The following ASTN2 variants were observed in gnomAD, a reference collection of about 807,000 sequenced individuals.
The protein encoded by ASTN2 is astrotactin 2, also known as astrotactin-2.
Under a neutral mutation model 139.8 loss-of-function variants are expected in ASTN2, and 54 were observed. The observed-to-expected ratio is 0.39, with a 90% confidence interval of 0.31 to 0.48. The LOEUF is 0.48. Ranked by LOEUF, ASTN2 falls within the 20% of genes least tolerant of loss-of-function variation. ASTN2 has a pLI of 0.95. For missense variants in ASTN2, 1,565 were observed against 1,725.1 expected, an observed-to-expected ratio of 0.91 and a Z score of 1.64; for synonymous variants, 756 against 719.5, an observed-to-expected ratio of 1.05 and a Z score of -0.81.
At chr9:117,154,804 C>T (rs1390804804) in intron 3 of ASTN2, among the ~76,000 whole-genome samples, 2 of 152,038 alleles carry the variant, frequency 1.3e-5, no homozygotes, top group East Asian at 3.9e-4. Flanking sequence ...CTGAGCCTCT[C>T]AGTTGTCCTT....
At chr9:117,361,783 A>G (rs79158816) in intron 1 of ASTN2, among the ~76,000 whole-genome samples, 1,690 of 152,184 alleles carry the variant, frequency 0.011, 34 homozygotes, top group African/African-American at 0.039. Context: ...TCACTCCTCT[A>G]AACCTCAGCT....
intron 16 of ASTN2, among the ~76,000 whole-genome samples, chr9:116,660,027 C>A (rs73530821): frequency 0.041 from 6,227 of 152,194 alleles, 417 homozygotes; most frequent in African/African-American, 0.14. Context: ...TGGGGTCATA[C>A]TACAATTAAA....
Position 116,440,666 on chromosome 9 carries a change from G to C in ASTN2, c.3725C>G (p.Ser1242Cys), listed in dbSNP as rs778867607. Reference sequence around the variant, plus strand: ...GAAGTCGCCAAACTTTTCATAGTGAGAGTTGTAGTGGTGCTGGACTCGGAA... The same window carrying C: ...GAAGTCGCCAAACTTTTCATAGTGACAGTTGTAGTGGTGCTGGACTCGGAA... ...MLFRVQHHYN[S>C]HYEKFGDFVW... Residue 1242 changes from serine (S) to cysteine (C), a missense_variant, in exon 22 of 23, where the codon TCT becomes TGT. By Grantham distance (112) the Ser-to-Cys change is moderately radical. Transcript: ENST00000313400. The C allele has an allele frequency of 3.7e-6, 6 of 1,614,044 alleles. No individual in the cohort carries two copies. The highest frequency in any genetic ancestry group is 4.2e-6 in the Non-Finnish European group (5 of 1,180,052).
chr9:116,951,382 G>T (rs1835558123), intron 10 of ASTN2, among the ~76,000 whole-genome samples: 1 of 133,392 alleles, frequency 7.5e-6, no homozygotes, highest in African/African-American at 2.8e-5. Context: ...TGTGGTTGTA[G>T]ATACTGCCAT....
At chr9:116,652,041 G>GT (rs1283490552) in intron 16 of ASTN2, among the ~76,000 whole-genome samples, 6 of 151,976 alleles carry the variant, frequency 3.9e-5, no homozygotes, top group Non-Finnish European at 7.4e-5. Context: ...CATTTTTCCC[G>GT]TATGTAAAGT....
At chr9:117,302,196 C>T (rs920764897) in intron 1 of ASTN2, among the ~76,000 whole-genome samples, 1 of 152,082 alleles carries the variant, frequency 6.6e-6, no homozygotes, top group African/African-American at 2.4e-5. Context: ...GACCCTTCCA[C>T]CTTGTCCCCA....
intron 13 of ASTN2, among the ~76,000 whole-genome samples, chr9:116,803,522 A>ATATATATATAT (rs1554748694): frequency 3.8e-4 from 8 of 21,136 alleles, no homozygotes; most frequent in African/African-American, 1.1e-3. Flanking sequence ...ATATATATAT[A>ATATATATATAT]TTTTTTTTTT....
At chr9:117,193,416 G>A in intron 3 of ASTN2, among the ~76,000 whole-genome samples, 1 of 151,914 alleles carries the variant, frequency 6.6e-6, no homozygotes, top group East Asian at 1.9e-4. Context: ...GAGGTGGTTG[G>A]ATCATGAGGT....
intron 19 of ASTN2, among the ~76,000 whole-genome samples, chr9:116,542,849 G>A (rs1176847687): frequency 6.6e-6 from 1 of 152,046 alleles, no homozygotes; most frequent in Non-Finnish European, 1.5e-5. Flanking sequence ...CAGCCTGGGA[G>A]GCAGAGATTG....
intron 10 of ASTN2, among the ~76,000 whole-genome samples, chr9:116,918,457 T>C (rs1472448955): frequency 6.6e-6 from 1 of 152,192 alleles, no homozygotes; most frequent in African/African-American, 2.4e-5. Context: ...CACCATTCTT[T>C]CTCTCCCAGC....
At chr9:117,034,450 C>G (rs944696991) in intron 6 of ASTN2, among the ~76,000 whole-genome samples, 3 of 152,112 alleles carry the variant, frequency 2.0e-5, no homozygotes, top group African/African-American at 7.2e-5. Context: ...GAGGCAGCTC[C>G]ATTAGTAGGG....
At chr9:116,581,271 C>G (rs927850092) in intron 19 of ASTN2, among the ~76,000 whole-genome samples, 4 of 152,084 alleles carry the variant, frequency 2.6e-5, no homozygotes, top group Non-Finnish European at 5.9e-5. Context: ...GGGGAGTGGC[C>G]TCTGGAATCA....
chr9:116,974,416 T>A (rs914509456), intron 10 of ASTN2, among the ~76,000 whole-genome samples: 1 of 151,906 alleles, frequency 6.6e-6, no homozygotes, highest in Non-Finnish European at 1.5e-5. Flanking sequence ...AGTAAGTCTA[T>A]AATGAAGTTA....
intron 11 of ASTN2, among the ~76,000 whole-genome samples, chr9:116,839,653 A>G: frequency 6.6e-6 from 1 of 151,526 alleles, no homozygotes; most frequent in East Asian, 2.0e-4. Context: ...TGTGTGCCAC[A>G]CCGGTCTAAT....
At chr9:117,351,848 A>G (rs368065425) in intron 1 of ASTN2, among the ~76,000 whole-genome samples, 6 of 152,150 alleles carry the variant, frequency 3.9e-5, no homozygotes, top group African/African-American at 1.4e-4. Flanking sequence ...GAGAAGGCCA[A>G]GACAACCAGA....
rs954873004 is a variant in ASTN2, at chr9:117,272,300, C to A, written c.630+19026G>T. 2.6e-5 allele frequency among the ~76,000 whole-genome samples: 4 copies of A among 152,196 alleles called. No individual in the cohort carries two copies. In the East Asian group the frequency reaches 7.7e-4, roughly 29 times the overall value. ...CGCTGGAGAGGCTGGGACACAGGCA[C>A]CAAGTCCCTAGGCTGCACACAGCAC... On this transcript the variant is annotated intron_variant, in intron 2 of 22. Coordinates refer to ENST00000313400, the MANE Select transcript of ASTN2 (RefSeq NM_001365068.1).
rs72750092 is a variant in ASTN2, at chr9:116,813,626, G to A, written c.2207+6991C>T. The stretch of plus-strand genomic sequence containing the variant: ...AAAGCAAAGTATTTCTTTTTCTCAT[G>A]TATTTTTTCCTTATTTATTAATTTA... On this transcript the variant is annotated intron_variant, in intron 12 of 22. Transcript: ENST00000313400. Among the ~76,000 whole-genome samples the A allele has an allele frequency of 7.8e-3, 1,182 of 152,238 alleles. 7 individuals carry two copies. Among genetic ancestry groups the A allele is most frequent in the Admixed American group, 0.011 (170 of 15,296 alleles).
intron 10 of ASTN2, among the ~76,000 whole-genome samples, chr9:116,958,769 T>C (rs1835793757): frequency 6.6e-6 from 1 of 151,852 alleles, no homozygotes; most frequent in South Asian, 2.1e-4. Context: ...ACAAGATACC[T>C]AGAAATAAGC....
At chr9:117,281,400 T>C (rs1280445043) in intron 2 of ASTN2, among the ~76,000 whole-genome samples, 1 of 152,180 alleles carries the variant, frequency 6.6e-6, no homozygotes, top group Non-Finnish European at 1.5e-5. Flanking sequence ...AATCAAGCTA[T>C]GCTCTGAAGA....
Sources: allele counts gnomAD v4.1 joint callset (sites outside exome capture counted in the v4.1 genomes callset), GRCh38; gene constraint gnomAD v4.1.1; transcripts MANE v1.5; gene names NCBI Gene and HGNC (gene_info 2026-07-23, HGNC 2026-07-21).